The following KRT32 variants were observed in gnomAD, a reference collection of about 807,000 sequenced individuals.
KRT32 encodes keratin, type I cuticular Ha2.
Under a neutral mutation model 41.8 loss-of-function variants are expected in KRT32, and 44 were observed. The ratio of observed to expected loss-of-function variants is 1.05; its 90% CI spans 0.83 to 1.35. KRT32 has a LOEUF of 1.35. Among genes scored for constraint, KRT32 ranks in the 40% most tolerant of loss-of-function variants. The pLI is 0.00. For synonymous variants in KRT32, 238 were observed against 242.5 expected (o/e 0.98, Z 0.17); for missense variants, 576 against 584.6 (o/e 0.99, Z 0.15).
At chr17:41,466,341 G>C (rs549834686) in intron 1 of KRT32, among the ~76,000 whole-genome samples, 165 bp from the exon 2 acceptor site, 56 of 152,356 alleles carry the variant, frequency 3.7e-4, no homozygotes, top group African/African-American at 1.3e-3. Context: ...CGAATTGCTA[G>C]TCCTTGGAGA....
intron 5 of KRT32, among the ~76,000 whole-genome samples, chr17:41,463,805 T>G (rs2019033566): frequency 6.6e-6 from 1 of 152,120 alleles, no homozygotes; most frequent in Non-Finnish European, 1.5e-5. Flanking sequence ...GATATTGAGA[T>G]CCATAGGTTT....
rs200726905 is a variant in KRT32, at chr17:41,462,823, T to C, written c.1217+7A>G. 3.2e-4 allele frequency: 524 copies of C among 1,612,806 alleles called. 3 individuals carry two copies. In the East Asian group the frequency reaches 7.1e-3, roughly 22 times the overall value. On this transcript the variant is annotated splice_region_variant and intron_variant, in intron 6 of 6. Coordinates refer to ENST00000225899, the MANE Select transcript of KRT32 (RefSeq NM_002278.3). ...CGTCTCTCTAAGCCTCAGCTGGGCC[T>C]GCGTACTTGCAGTCCTCGTTCTCCA...
chr17:41,463,512 C>G (rs1232059888), intron 5 of KRT32, among the ~76,000 whole-genome samples: 1 of 152,186 alleles, frequency 6.6e-6, no homozygotes, highest in Non-Finnish European at 1.5e-5. Context: ...CGAGACCAGC[C>G]TGGCCAACAT....
intron 1 of KRT32, 104 bp from the exon 2 acceptor site, chr17:41,466,280 C>T: frequency 5.8e-6 from 5 of 867,188 alleles, no homozygotes; most frequent in Non-Finnish European, 9.2e-6. Context: ...AGCAGCCCTG[C>T]AGCCATCCCT....
rs1242424004 is a variant in KRT32 at position 41,462,824 on chromosome 17, G to A, written c.1217+6C>T. 3.1e-6 allele frequency: 5 copies of A among 1,612,620 alleles called. No homozygotes were observed. Among genetic ancestry groups the A allele is most frequent in the Non-Finnish European group, 4.2e-6 (5 of 1,179,718 alleles). On this transcript the variant is annotated splice_donor_region_variant and intron_variant, in intron 6 of 6. Transcript: ENST00000225899. Reference sequence around the variant, plus strand: ...GTCTCTCTAAGCCTCAGCTGGGCCTGCGTACTTGCAGTCCTCGTTCTCCAG... The same window carrying A: ...GTCTCTCTAAGCCTCAGCTGGGCCTACGTACTTGCAGTCCTCGTTCTCCAG...
At position 41,466,954 on chromosome 17, in the gene KRT32, C is replaced by T. The variant is rs1313143697; in HGVS notation, c.372G>A (p.Leu124=). 1 of 1,614,264 alleles carries T rather than the reference C, an allele frequency of 6.2e-7. No individual in the cohort carries two copies. The highest frequency in any genetic ancestry group is 8.5e-7 in the Non-Finnish European group (1 of 1,180,054). Residue 124 remains leucine (L), a synonymous_variant, in exon 1 of 7, where the codon CTG becomes CTA. Coordinates refer to ENST00000225899, the MANE Select transcript of KRT32 (RefSeq NM_002278.3). ...VRQLEQENAE[L]ESRIQEASHS... is the part of the protein sequence containing the mutation. ...GAGAGGCCTCTTGGATCCTGCTCTC[C>T]AGCTCCGCATTCTCCTGCTCCAGCT...
At position 41,465,828 on chromosome 17, in the gene KRT32, G is replaced by A; in HGVS notation, c.653C>T (p.Ala218Val). ...CTCCTCCTTCAGGGACTCAACCTGG[G>A]CCTCCAGGTCAGCCTTGCACAGAGT... ...DLTLCKADLE[A>V]QVESLKEELM... Residue 218 changes from alanine to valine, a missense_variant, in exon 3 of 7, where the codon GCC becomes GTC. Transcript: ENST00000225899. 1 of 1,613,662 alleles carries A rather than the reference G, an allele frequency of 6.2e-7. No individual in the cohort carries two copies. The highest frequency in any genetic ancestry group is 8.5e-7 in the Non-Finnish European group (1 of 1,179,712).
chr17:41,462,767 G>T, intron 6 of KRT32, 63 bp downstream of exon 6: 1 of 1,563,524 alleles, frequency 6.4e-7, no homozygotes. Flanking sequence ...AGATCCAGTT[G>T]CTTCCTATAA....
At chr17:41,464,918 G>A (rs551044916) in intron 3 of KRT32, among the ~76,000 whole-genome samples, 47 of 152,316 alleles carry the variant, frequency 3.1e-4, no homozygotes, top group Admixed American at 5.9e-4. Flanking sequence ...TCTTGGTGCC[G>A]TTCCCAGTTC....
In KRT32 at chr17:41,464,379, G is replaced by A. The variant is rs190006017; in HGVS notation, c.773C>T (p.Pro258Leu). 1.6e-5 allele frequency: 25 copies of A among 1,610,378 alleles called. No homozygotes were observed. Among genetic ancestry groups the A allele is most frequent in the African/African-American group, 9.4e-5 (7 of 74,856 alleles). Residue 258 changes from proline (P) to leucine (L), a missense_variant, in exon 4 of 7, where the codon CCG (proline) becomes CTG (leucine). By Grantham distance (98) the Pro-to-Leu change is moderately conservative. Coordinates refer to ENST00000225899, the MANE Select transcript of KRT32 (RefSeq NM_002278.3). ...CTCCAGCACCCTGGTCAGGTCCACC[G>A]GGGGTGCAGCGTCCACCTCGATGTT... ...RLNIEVDAAPPVDLTRVLEEM... is the reference protein window; with the variant it reads ...RLNIEVDAAPLVDLTRVLEEM...
In KRT32 at chr17:41,462,835, G is replaced by A. The variant is rs1264491876; in HGVS notation, c.1212C>T (p.Asp404=). Residue 404 remains aspartate, a synonymous_variant, in exon 6 of 7, where the codon GAC becomes GAT. Coordinates refer to ENST00000225899, the MANE Select transcript of KRT32 (RefSeq NM_002278.3). ...CCTCAGCTGGGCCTGCGTACTTGCA[G>A]TCCTCGTTCTCCAGCAGGCTCCGGT... ...NTYRSLLENE[D]CKLPCNPCST... is the part of the protein sequence containing the mutation. 6.2e-7 allele frequency: 1 copy of A among 1,613,200 alleles called. No individual in the cohort carries two copies. The highest frequency in any genetic ancestry group is 1.1e-5 in the South Asian group (1 of 91,024).
chr17:41,466,000 G>A (rs760377550), intron 2 of KRT32, 71 bp from the exon 3 acceptor site: 71 of 1,600,206 alleles, frequency 4.4e-5, no homozygotes, highest in East Asian at 6.7e-5. Flanking sequence ...TTAAACTGCC[G>A]GCACTTTCCA....
chr17:41,465,887 G>T lies in KRT32; in HGVS notation c.594C>A (p.Asp198Glu), dbSNP rs1056094042. ...ELAMRQLVEADINGLRRILDD... is the reference protein window; with the variant it reads ...ELAMRQLVEAEINGLRRILDD... Reference sequence around the variant, plus strand: ...CCAGGATCCTGCGCAGGCCATTGATGTCGGCCTCCACCAGCTGCCGCATGG... The same window carrying T: ...CCAGGATCCTGCGCAGGCCATTGATTTCGGCCTCCACCAGCTGCCGCATGG... The change falls in exon 3 of 7, where the codon GAC becomes GAA. Residue 198 changes from aspartate (D) to glutamate (E), a missense_variant. Transcript: ENST00000225899. 6.2e-7 allele frequency: 1 copy of T among 1,613,894 alleles called. No individual in the cohort carries two copies. The highest frequency in any genetic ancestry group is 1.3e-5 in the African/African-American group (1 of 74,886).
Position 41,460,218 on chromosome 17 carries a change from G to A in KRT32, c.1239C>T (p.Ser413=), listed in dbSNP as rs1447341916. Residue 413 remains serine, a synonymous_variant, in exon 7 of 7, where the codon TCC becomes TCT. Transcript: ENST00000225899. ...EDCKLPCNPC[S]TPSCTTCVPS... ...GCACACAGGTGGTGCAGGAAGGAGT[G>A]GAGCATGGGTTACAGGGCAGCCTGC... 3 of 1,606,248 alleles carry A rather than the reference G, an allele frequency of 1.9e-6. No homozygotes were observed. Among genetic ancestry groups the A allele is most frequent in the Non-Finnish European group, 2.6e-6 (3 of 1,176,246 alleles).
chr17:41,462,414 T>C (rs554852505), intron 6 of KRT32, among the ~76,000 whole-genome samples: 4 of 152,088 alleles, frequency 2.6e-5, no homozygotes, highest in Non-Finnish European at 4.4e-5. Context: ...GGGTAAGAGG[T>C]GGGAGCAGGA....
intron 6 of KRT32, 51 bp from the exon 7 acceptor site, chr17:41,460,290 G>A (rs2018989041): frequency 1.9e-6 from 3 of 1,548,802 alleles, no homozygotes; most frequent in Non-Finnish European, 2.6e-6. Flanking sequence ...GGCCCACTCG[G>A]CCACAGGTCC....
At position 41,466,140 on chromosome 17, in the gene KRT32, C is replaced by T. The variant is rs146002434; in HGVS notation, c.505G>A (p.Val169Met). ...GCCAGTTTGGCATTATCAATGTTCA[C>T]AACCATCCTGGCATTCTCTGCCTTG... ...CTKAENARMVVNIDNAKLAAD... is the reference protein window; with the variant it reads ...CTKAENARMVMNIDNAKLAAD... The change falls in exon 2 of 7, where the codon GTG becomes ATG. Residue 169 changes from valine to methionine, a missense_variant. Physicochemically the swap from Val to Met is conservative, Grantham distance 21 (BLOSUM62 1). Coordinates refer to ENST00000225899, the MANE Select transcript of KRT32 (RefSeq NM_002278.3). The T allele has an allele frequency of 6.2e-7, 1 of 1,614,160 alleles. No individual in the cohort carries two copies. The highest frequency in any genetic ancestry group is 8.5e-7 in the Non-Finnish European group (1 of 1,180,024).
intron 5 of KRT32, among the ~76,000 whole-genome samples, chr17:41,463,418 T>A (rs1259342333): frequency 6.6e-6 from 1 of 152,190 alleles, no homozygotes; most frequent in South Asian, 2.1e-4. Context: ...AAAATACCCA[T>A]GGCTGGCCGG....
intron 2 of KRT32, 69 bp from the exon 3 acceptor site, chr17:41,465,998 C>A: frequency 1.9e-6 from 3 of 1,600,000 alleles, no homozygotes; most frequent in Non-Finnish European, 2.6e-6. Flanking sequence ...CCTTAAACTG[C>A]CGGCACTTTC....
Sources: gnomAD v4.1 joint callset for allele counts (sites outside exome capture counted in the v4.1 genomes callset) on GRCh38, gnomAD v4.1.1 for gene constraint, MANE v1.5 for transcripts, NCBI Gene and HGNC (gene_info 2026-07-23, HGNC 2026-07-21) for gene names.